Variants in CYRIB observed in about 807,000 individuals in gnomAD.
CYRIB encodes CYFIP related Rac1 interactor B.
A neutral mutation model predicts 44.2 loss-of-function variants in CYRIB; 8 were observed. The ratio of observed to expected loss-of-function variants is 0.18; its 90% CI spans 0.11 to 0.33. The LOEUF is 0.33. Ranked by LOEUF, CYRIB falls within the 10% of genes least tolerant of loss-of-function variation. The pLI is 1.00. For synonymous variants in CYRIB, 131 were observed against 127.2 expected (o/e 1.03, Z -0.20); for missense variants, 185 against 382.8 (o/e 0.48, Z 4.31).
chr8:130,001,430 C>T (rs748799892), intron 1 of CYRIB, among the ~76,000 whole-genome samples: 2 of 151,978 alleles, frequency 1.3e-5, no homozygotes, highest in African/African-American at 2.4e-5. Context: ...AAGTTCATTT[C>T]GCTTTGGAAA....
chr8:129,957,688 C>T (rs944939630), intron 2 of CYRIB, among the ~76,000 whole-genome samples: 2 of 151,938 alleles, frequency 1.3e-5, no homozygotes, highest in Admixed American at 1.3e-4. Context: ...AAAAATTGGC[C>T]GGCGTGGTGG....
intron 1 of CYRIB, among the ~76,000 whole-genome samples, chr8:130,015,121 A>G (rs950062557): frequency 1.5e-4 from 23 of 152,150 alleles, no homozygotes; most frequent in African/African-American, 5.3e-4. Context: ...AGAGGGGAGG[A>G]GTCCATCCAA....
At chr8:129,876,096 G>C (rs528115414) in intron 3 of CYRIB, among the ~76,000 whole-genome samples, 23 of 151,312 alleles carry the variant, frequency 1.5e-4, no homozygotes, top group African/African-American at 5.6e-4. Context: ...TTGGGTGACG[G>C]AGTGAGACTC....
At chr8:129,869,990 G>A (rs1418418664) in intron 4 of CYRIB, among the ~76,000 whole-genome samples, 5 of 151,818 alleles carry the variant, frequency 3.3e-5, no homozygotes, top group Non-Finnish European at 2.9e-5. Flanking sequence ...GGGGGAGGGG[G>A]GGCGTTGAAG....
At chr8:129,841,983 G>T (rs2036551266) in exon 12 of CYRIB, 1 of 602,540 alleles carries the variant, frequency 1.7e-6, no homozygotes, top group Non-Finnish European at 2.9e-6. Flanking sequence ...GCACAGAAAA[G>T]AAGTCTTAAG....
At chr8:129,959,266 A>G (rs2095093606) in intron 2 of CYRIB, among the ~76,000 whole-genome samples, 1 of 118,968 alleles carries the variant, frequency 8.4e-6, no homozygotes, top group African/African-American at 4.7e-5. Flanking sequence ...AGCCACAGCC[A>G]CAGCCACACC....
At chr8:129,866,652 G>A (rs907867478) in intron 4 of CYRIB, among the ~76,000 whole-genome samples, 2 of 152,260 alleles carry the variant, frequency 1.3e-5, no homozygotes, top group African/African-American at 4.8e-5. Context: ...TAAAGAAGTC[G>A]ATCCTATTTT....
At chr8:129,960,681 G>C (rs1227051291) in intron 2 of CYRIB, among the ~76,000 whole-genome samples, 4 of 140,478 alleles carry the variant, frequency 2.8e-5, no homozygotes, top group Non-Finnish European at 4.6e-5. Context: ...GCTGGGCATG[G>C]TGGCTCATGC....
chr8:129,963,735 T>G (rs557577684), intron 2 of CYRIB, among the ~76,000 whole-genome samples: 1 of 152,288 alleles, frequency 6.6e-6, no homozygotes, highest in East Asian at 1.9e-4. Context: ...CAGCTCTCTC[T>G]GAGCCTACAA....
At chr8:129,987,241 T>C (rs1271584213) in intron 1 of CYRIB, among the ~76,000 whole-genome samples, 1 of 152,238 alleles carries the variant, frequency 6.6e-6, no homozygotes, top group African/African-American at 2.4e-5. Flanking sequence ...CAGCCATGCC[T>C]AACCAGGTAG....
chr8:129,868,937 C>A, intron 4 of CYRIB, among the ~76,000 whole-genome samples: 1 of 144,774 alleles, frequency 6.9e-6, no homozygotes, highest in African/African-American at 2.5e-5. Context: ...GTGGCTCATA[C>A]CTATAATCCT....
At chr8:129,848,667 A>C (rs1475066596) in intron 10 of CYRIB, among the ~76,000 whole-genome samples, 1 of 152,028 alleles carries the variant, frequency 6.6e-6, no homozygotes, top group African/African-American at 2.4e-5. Context: ...TCCTGGGCTC[A>C]AGGGATCCTC....
At chr8:129,854,402 T>G (rs2045012839) in intron 6 of CYRIB, 59 bp from the exon 9 acceptor site, 1 of 1,268,688 alleles carries the variant, frequency 7.9e-7, no homozygotes, top group African/African-American at 1.5e-5. Context: ...GTAAAAAAAC[T>G]AAGTAAAAAA....
intron 1 of CYRIB, among the ~76,000 whole-genome samples, chr8:129,984,327 G>T (rs990180200): frequency 6.6e-6 from 1 of 152,290 alleles, no homozygotes; most frequent in Admixed American, 6.5e-5. Flanking sequence ...GTGTCTCCCA[G>T]GCAGGGCTGG....
chr8:129,990,657 G>A (rs1282302357), intron 1 of CYRIB, among the ~76,000 whole-genome samples: 1 of 152,098 alleles, frequency 6.6e-6, no homozygotes, highest in Non-Finnish European at 1.5e-5. Flanking sequence ...AAGTAGCTGG[G>A]ACTACAGGTA....
intron 2 of CYRIB, among the ~76,000 whole-genome samples, chr8:129,962,362 G>C (rs1443346492): frequency 6.6e-6 from 1 of 152,168 alleles, no homozygotes; most frequent in Non-Finnish European, 1.5e-5. Context: ...ATGATTGCTT[G>C]AGCCTGGGAG....
intron 1 of CYRIB, among the ~76,000 whole-genome samples, chr8:129,993,638 A>G (rs1214244523): frequency 1.3e-5 from 2 of 151,930 alleles, no homozygotes; most frequent in Non-Finnish European, 2.9e-5. Flanking sequence ...CGGAGGTTGC[A>G]GTGAGTCAAG....
chr8:129,927,423 A>G (rs1250704801), intron 1 of CYRIB, among the ~76,000 whole-genome samples: 1 of 152,258 alleles, frequency 6.6e-6, no homozygotes, highest in Non-Finnish European at 1.5e-5. Context: ...AAGAAGTTTA[A>G]GTCAGTAAAA....
chr8:129,936,607 ACAAATCCATTCTATGAACT>A (rs1476861510), intron 1 of CYRIB, among the ~76,000 whole-genome samples: 7 of 152,326 alleles, frequency 4.6e-5, no homozygotes, highest in African/African-American at 1.7e-4. Flanking sequence ...TTCTAAGCAA[ACAAATCCATTCTATGAACT>A]AAAGTATAAC....
Sources: gnomAD v4.1 joint callset for allele counts (sites outside exome capture counted in the v4.1 genomes callset) on GRCh38, gnomAD v4.1.1 for gene constraint, MANE v1.5 for transcripts, NCBI Gene and HGNC (gene_info 2026-07-23, HGNC 2026-07-21) for gene names.